Variants in ACVR2B observed in about 807,000 individuals in gnomAD.
The protein encoded by ACVR2B is activin A receptor type 2B, also known as activin receptor type-2B.
A neutral mutation model predicts 65.1 loss-of-function variants in ACVR2B; 18 were observed. The observed-to-expected ratio is 0.28, with a 90% CI of 0.19 to 0.41. The LOEUF (loss-of-function observed/expected upper bound fraction) is 0.41. Ranked by LOEUF, ACVR2B falls within the 10% of genes least tolerant of loss-of-function variation. The probability of loss-of-function intolerance (pLI) is 1.00; values close to 1 mark genes in which losing one functional copy is unlikely to be tolerated. For missense variants in ACVR2B, 482 were observed against 682.7 expected (o/e 0.71, Z 3.28); for synonymous variants, 298 against 277.7 (o/e 1.07, Z -0.73).
At position 38,477,140 on chromosome 3, in the gene ACVR2B, T is replaced by G; in HGVS notation, c.53-147T>G. ...GTGTGGGACGGATGGGTGGCCTACG[T>G]CCAGGGGTGAGTGCAGGAGGTTGGT... On this transcript the variant is annotated intron_variant, in intron 1 of 10. Coordinates refer to ENST00000352511, the MANE Select transcript of ACVR2B (RefSeq NM_001106.4). This position sits in a 1 kb window ranked among gnomAD's most constrained non-coding sequence, Gnocchi z 6.7. 1.1e-5 allele frequency: 9 copies of G among 816,416 alleles called. No individual in the cohort carries two copies. In the South Asian group the frequency reaches 1.2e-4, roughly 10 times the overall value. 50.6% of individuals were successfully genotyped at this position (816,416 alleles called of 1,614,324 possible).
chr3:38,454,497 C>T (rs1272509531), intron 1 of ACVR2B, 123 bp downstream of exon 1: 3 of 899,774 alleles, frequency 3.3e-6, no homozygotes, highest in Non-Finnish European at 4.3e-6. Flanking sequence ...TGTATTCAGC[C>T]CTCACCTCCG....
Position 38,477,186 on chromosome 3 carries a change from C to A in ACVR2B, c.53-101C>A. On this transcript the variant is annotated intron_variant, in intron 1 of 10. Coordinates refer to ENST00000352511, the MANE Select transcript of ACVR2B (RefSeq NM_001106.4). This position sits in a 1 kb window ranked among gnomAD's most constrained non-coding sequence, Gnocchi z 6.7. ...TTGGTGACCCCAACCCACCACCCGG[C>A]CTCCCTCCCTCAGGGTGGCCTGGCA... 1.4e-6 allele frequency: 2 copies of A among 1,418,686 alleles called. No individual in the cohort carries two copies. The highest frequency in any genetic ancestry group is 2.0e-6 in the Non-Finnish European group (2 of 1,025,438). The allele number at this position is 1,418,686 out of a possible 1,614,324, so 87.9% of individuals were successfully genotyped here.
At chr3:38,457,361 G>C (rs776211922) in intron 1 of ACVR2B, among the ~76,000 whole-genome samples, 1 of 152,162 alleles carries the variant, frequency 6.6e-6, no homozygotes, top group African/African-American at 2.4e-5. Context: ...CACATTTCCA[G>C]TGCTCTGCAG....
chr3:38,478,316 AG>A lies in ACVR2B; in HGVS notation c.522+27del, dbSNP rs779732628. ...AGGTGAGACAGTGCTGGCTTGGGGC[AG>A]GGCAGGATAGAGGTGGGGAGGACAG... On this transcript the variant is annotated intron_variant, in intron 4 of 10. Transcript: ENST00000352511. The A allele has an allele frequency of 4.3e-6, 7 of 1,614,100 alleles. No homozygotes were observed. The East Asian group carries it at 8.9e-5, about 21-fold the overall frequency.
intron 1 of ACVR2B, chr3:38,473,298 A>G (rs1451482630): frequency 3.3e-5 from 5 of 152,246 alleles, no homozygotes; most frequent in Admixed American, 2.0e-4. Flanking sequence ...GCTATGAAGC[A>G]GCAGGCCTAA....
rs1429332927 is a variant in ACVR2B, at chr3:38,487,904, T to G, written c.*4572T>G. On this transcript the variant is annotated 3_prime_UTR_variant, in exon 11 of 11. Coordinates refer to ENST00000352511, the MANE Select transcript of ACVR2B (RefSeq NM_001106.4). ...AGTTTAATTTTCAGTCTCAGTTATT[T>G]TAGCCTGTTGAGTTTTTGATGGCAC... The G allele has an allele frequency of 6.6e-6, 1 of 152,188 alleles. No homozygotes were observed. The highest frequency in any genetic ancestry group is 1.5e-5 in the Non-Finnish European group (1 of 68,052). The allele number at this position is 152,188 out of a possible 1,614,324, so 9.4% of individuals were successfully genotyped here.
chr3:38,479,850 T>C (rs1343312154), intron 7 of ACVR2B, 24 bp downstream of exon 7: 6 of 1,612,532 alleles, frequency 3.7e-6, no homozygotes, highest in Non-Finnish European at 5.1e-6. Context: ...CAGGTGCCTT[T>C]CCTGCACTTG....
chr3:38,477,626 G>A lies in ACVR2B; in HGVS notation c.260+132G>A. ...AGGGGCTCTTGAGATGGTAGCCATG[G>A]CCCCACGCCCTTCCACACCCTATTT... On this transcript the variant is annotated intron_variant, in intron 2 of 10. Coordinates refer to ENST00000352511, the MANE Select transcript of ACVR2B (RefSeq NM_001106.4). The surrounding 1 kb of genome is among the most constrained non-coding windows in gnomAD (Gnocchi z 6.7). The A allele has an allele frequency of 8.5e-7, 1 of 1,178,516 alleles. No homozygotes were observed. The allele number at this position is 1,178,516 out of a possible 1,614,324, so 73.0% of individuals were successfully genotyped here.
chr3:38,492,799 CACACATACA>C lies in ACVR2B; in HGVS notation c.*9468_*9476del, dbSNP rs1559662999. On this transcript the variant is annotated 3_prime_UTR_variant, in exon 11 of 11. Coordinates refer to ENST00000352511, the MANE Select transcript of ACVR2B (RefSeq NM_001106.4). The stretch of plus-strand genomic sequence containing the variant: ...ACACACACACACACACACACACACA[CACACATACA>C]CCTAAAATGGCCTAAAGCAGACATC... 14 of 66,458 alleles carry C rather than the reference CACACATACA, an allele frequency of 2.1e-4. 1 individual carries two copies. Among genetic ancestry groups the C allele is most frequent in the Non-Finnish European group, 4.1e-4 (13 of 31,510 alleles). 4.1% of individuals were successfully genotyped at this position (66,458 alleles called of 1,614,324 possible).
rs879604843 is a variant in ACVR2B, at chr3:38,491,615, A to G, written c.*8283A>G. On this transcript the variant is annotated 3_prime_UTR_variant, in exon 11 of 11. Coordinates refer to ENST00000352511, the MANE Select transcript of ACVR2B (RefSeq NM_001106.4). ...ATGAGAGTAGAAAAGATTAGGCAAC[A>G]TCTGAGTTTTAACTTGAAAAGTGTC... 5 of 152,292 alleles carry G rather than the reference A, an allele frequency of 3.3e-5. No homozygotes were observed. The highest frequency in any genetic ancestry group is 5.9e-5 in the Non-Finnish European group (4 of 68,038). The allele number at this position is 152,292 out of a possible 1,614,324, so 9.4% of individuals were successfully genotyped here.
chr3:38,480,633 GT>G (rs1189198576), intron 7 of ACVR2B, among the ~76,000 whole-genome samples: 18 of 152,196 alleles, frequency 1.2e-4, no homozygotes, highest in Non-Finnish European at 2.2e-4. Context: ...GTCCCTGATG[GT>G]AATAACAGTA....
chr3:38,458,862 A>T (rs148825930), intron 1 of ACVR2B, among the ~76,000 whole-genome samples: 1 of 152,136 alleles, frequency 6.6e-6, no homozygotes, highest in East Asian at 1.9e-4. Context: ...CCTTGACACT[A>T]TTACATTTTG....
At position 38,479,113 on chromosome 3, in the gene ACVR2B, C is replaced by T. The variant is rs752285756; in HGVS notation, c.667-15C>T. 1.1e-5 allele frequency: 18 copies of T among 1,613,926 alleles called. No homozygotes were observed. The highest frequency in any genetic ancestry group is 6.7e-5 in the Admixed American group (4 of 60,006). Reference sequence around the variant, plus strand: ...CCAGCCACTTGTCCCCCCAACCCCTCGCCCCCGGCCTCAGGACAAGCAGTC... The same window carrying T: ...CCAGCCACTTGTCCCCCCAACCCCTTGCCCCCGGCCTCAGGACAAGCAGTC... On this transcript the variant is annotated splice_polypyrimidine_tract_variant and intron_variant, in intron 5 of 10. Transcript: ENST00000352511.
At position 38,479,055 on chromosome 3, in the gene ACVR2B, G is replaced by A. The variant is rs1485231882; in HGVS notation, c.667-73G>A. The stretch of plus-strand genomic sequence containing the variant: ...GTGGGGAATGGGGAATGGTTGTTCT[G>A]CTGTAGGGCAATGTGACTGCAGCAG... On this transcript the variant is annotated intron_variant, in intron 5 of 10. Coordinates refer to ENST00000352511, the MANE Select transcript of ACVR2B (RefSeq NM_001106.4). 1.9e-6 allele frequency: 3 copies of A among 1,595,528 alleles called. No homozygotes were observed. The African/African-American group carries it at 4.0e-5, about 21-fold the overall frequency.
Position 38,487,944 on chromosome 3 carries a change from G to T in ACVR2B, c.*4612G>T, listed in dbSNP as rs997315171. The T allele has an allele frequency of 6.6e-5, 10 of 152,114 alleles. No individual in the cohort carries two copies. Among genetic ancestry groups the T allele is most frequent in the African/African-American group, 1.9e-4 (8 of 41,410 alleles). The allele number at this position is 152,114 out of a possible 1,614,324, so 9.4% of individuals were successfully genotyped here. On this transcript the variant is annotated 3_prime_UTR_variant, in exon 11 of 11. Coordinates refer to ENST00000352511, the MANE Select transcript of ACVR2B (RefSeq NM_001106.4). ...TTTGATGGCACACCTTTGGAGAGAT[G>T]GCCACGCCTGATTCCCATTTCAGGG... is the stretch of plus-strand genomic sequence containing the variant.
At chr3:38,465,239 A>T (rs1709708593) in intron 1 of ACVR2B, among the ~76,000 whole-genome samples, 2 of 152,010 alleles carry the variant, frequency 1.3e-5, no homozygotes, top group South Asian at 4.2e-4. Flanking sequence ...TCTACTAAAA[A>T]TACAAAAAAA....
At chr3:38,472,873 C>T (rs1709842249) in intron 1 of ACVR2B, among the ~76,000 whole-genome samples, 1 of 152,194 alleles carries the variant, frequency 6.6e-6, no homozygotes, top group Non-Finnish European at 1.5e-5. Context: ...GTGGGTATGT[C>T]CAAGGCCTAC....
At chr3:38,470,161 G>A (rs1709796014) in intron 1 of ACVR2B, among the ~76,000 whole-genome samples, 2 of 152,074 alleles carry the variant, frequency 1.3e-5, no homozygotes, top group Admixed American at 1.3e-4. Flanking sequence ...CATAGAATTT[G>A]GAGATGCAAT....
At chr3:38,471,153 G>T (rs1216046669) in intron 1 of ACVR2B, among the ~76,000 whole-genome samples, 3 of 152,174 alleles carry the variant, frequency 2.0e-5, no homozygotes, top group Non-Finnish European at 4.4e-5. Flanking sequence ...CATTACAAAT[G>T]AAGAGGGTTA....
Sources: allele counts gnomAD v4.1 joint callset (sites outside exome capture counted in the v4.1 genomes callset), GRCh38; gene constraint gnomAD v4.1.1; non-coding constraint Gnocchi (gnomAD v3.1); transcripts MANE v1.5; gene names NCBI Gene and HGNC (gene_info 2026-07-23, HGNC 2026-07-21).